The following PSD3 variants were observed in gnomAD, a reference collection of about 807,000 sequenced individuals.
PSD3 encodes the protein pleckstrin and Sec7 domain containing 3.
In PSD3, 49 loss-of-function variants were observed where a neutral mutation model predicts 105.5. The observed-to-expected ratio is 0.46, with a 90% CI of 0.37 to 0.59. The LOEUF is 0.59. PSD3 is among the 20% of genes least tolerant of loss of function. The pLI is 0.00. For missense variants in PSD3, 1,561 were observed against 1,263.8 expected, an observed-to-expected ratio of 1.24 and a Z score of -3.57; for synonymous variants, 557 against 457.8, an observed-to-expected ratio of 1.22 and a Z score of -2.77.
chr8:18,816,134 G>A (rs1042360894), intron 4 of PSD3, among the ~76,000 whole-genome samples: 1 of 152,130 alleles, frequency 6.6e-6, no homozygotes, highest in Non-Finnish European at 1.5e-5. Context: ...CCACTCTTTA[G>A]TACCCAATAT....
chr8:18,655,723 A>G (rs777835027), intron 9 of PSD3, 38 bp from the exon 10 acceptor site: 1 of 1,583,182 alleles, frequency 6.3e-7, no homozygotes, highest in Admixed American at 1.7e-5. Flanking sequence ...TATTCTTTCC[A>G]TTCTGTTCCA....
In PSD3 at chr8:18,693,069, C is replaced by T. The variant is rs147728109; in HGVS notation, c.2173-37384G>A. Among the ~76,000 whole-genome samples the T allele has an allele frequency of 3.3e-5, 5 of 152,286 alleles. No individual in the cohort carries two copies. The East Asian group carries it at 9.6e-4, about 29-fold the overall frequency. On this transcript the variant is annotated intron_variant, in intron 9 of 15. Coordinates refer to ENST00000327040, the MANE Select transcript of PSD3 (RefSeq NM_015310.4). ...TATGTGAAGGCCGGGCTACATAAAA[C>T]ATGGAGATGATGAACTTCTCAAATG... is the stretch of plus-strand genomic sequence containing the variant.
chr8:18,677,212 G>A (rs1800108596), intron 9 of PSD3, among the ~76,000 whole-genome samples: 1 of 152,154 alleles, frequency 6.6e-6, no homozygotes, highest in Non-Finnish European at 1.5e-5. Flanking sequence ...ATTAAGAGGT[G>A]GGCAGCAGGG....
rs201016537 is a variant in PSD3 at position 18,544,171 on chromosome 8, CAAAAAAAAAAAAAAAAA to C, written c.2929-8230_2929-8214del. Among the ~76,000 whole-genome samples, 32 of 106,720 alleles carry C rather than the reference CAAAAAAAAAAAAAAAAA, an allele frequency of 3.0e-4. No homozygotes were observed. The East Asian group carries it at 4.1e-3, about 14-fold the overall frequency. 70.0% of individuals were successfully genotyped at this position (106,720 alleles called of 152,430 possible). On this transcript the variant is annotated intron_variant, in intron 15 of 15. Coordinates refer to ENST00000327040, the MANE Select transcript of PSD3 (RefSeq NM_015310.4). Reference sequence around the variant, plus strand: ...TACAATGGAAAACAAAGAAACAAACCAAAAAAAAAAAAAAAAAAAAAAAAAAACCAAACAAAACAAGG... The same window carrying C: ...TACAATGGAAAACAAAGAAACAAACCAAAAAAAAAACCAAACAAAACAAGG...
At chr8:18,595,837 G>C (rs1311374316) in intron 12 of PSD3, among the ~76,000 whole-genome samples, 4 of 151,946 alleles carry the variant, frequency 2.6e-5, no homozygotes, top group Non-Finnish European at 2.9e-5. Context: ...TCTCTATAAT[G>C]TACAGAACTT....
chr8:18,576,889 C>T (rs886236190), intron 12 of PSD3, among the ~76,000 whole-genome samples: 5 of 146,228 alleles, frequency 3.4e-5, no homozygotes, highest in African/African-American at 1.3e-4. Context: ...TTTGTGTGTA[C>T]TTTTTTTTTT....
At chr8:19,061,640 T>A (rs575744962) in intron 1 of PSD3, among the ~76,000 whole-genome samples, 3 of 152,080 alleles carry the variant, frequency 2.0e-5, no homozygotes, top group South Asian at 4.2e-4. Context: ...ACCCTGTCTC[T>A]CTAAAAATAC....
chr8:18,574,118 G>C (rs1585277871), intron 13 of PSD3, among the ~76,000 whole-genome samples: 1 of 151,892 alleles, frequency 6.6e-6, no homozygotes, highest in Admixed American at 6.6e-5. Context: ...CATGAATCAG[G>C]ACAGATTATC....
At chr8:18,905,434 CT>C (rs1247629026) in intron 2 of PSD3, among the ~76,000 whole-genome samples, 1 of 152,192 alleles carries the variant, frequency 6.6e-6, no homozygotes, top group Admixed American at 6.5e-5. Flanking sequence ...AGCAATTCTC[CT>C]GTCTCAGCCA....
intron 1 of PSD3, among the ~76,000 whole-genome samples, chr8:18,980,678 C>G (rs1323523080): frequency 6.6e-6 from 1 of 152,086 alleles, no homozygotes; most frequent in African/African-American, 2.4e-5. Context: ...CACACACGCT[C>G]AAGTTTAGAT....
intron 8 of PSD3, among the ~76,000 whole-genome samples, chr8:18,768,267 CAGAG>C (rs200099109): frequency 2.0e-5 from 3 of 151,694 alleles, no homozygotes; most frequent in African/African-American, 7.3e-5. Context: ...GCCTGAGCGA[CAGAG>C]AGAGAGTCCA....
intron 15 of PSD3, among the ~76,000 whole-genome samples, chr8:18,550,506 T>C (rs527297759): frequency 1.4e-4 from 21 of 152,320 alleles, no homozygotes; most frequent in African/African-American, 5.1e-4. Flanking sequence ...GATAAACCCA[T>C]TCTAAGTTGA....
intron 1 of PSD3, among the ~76,000 whole-genome samples, chr8:18,938,580 G>A (rs1212193748): frequency 6.8e-6 from 1 of 147,066 alleles, no homozygotes; most frequent in African/African-American, 2.5e-5. Context: ...CCGCGATGGC[G>A]CTATTGCACT....
intron 4 of PSD3, among the ~76,000 whole-genome samples, chr8:18,824,167 G>T (rs1812986595): frequency 6.6e-6 from 1 of 152,148 alleles, no homozygotes; most frequent in African/African-American, 2.4e-5. Flanking sequence ...ACATGGCCGT[G>T]TCTCTAAGAA....
intron 8 of PSD3, among the ~76,000 whole-genome samples, chr8:18,778,750 T>C (rs981455076): frequency 6.6e-6 from 1 of 152,072 alleles, no homozygotes; most frequent in Non-Finnish European, 1.5e-5. Flanking sequence ...TTTTGTGACG[T>C]ATCATGTTTA....
At chr8:19,006,449 A>C (rs550312959) in intron 1 of PSD3, among the ~76,000 whole-genome samples, 4 of 152,098 alleles carry the variant, frequency 2.6e-5, no homozygotes, top group Non-Finnish European at 4.4e-5. Flanking sequence ...TTGTATTGTT[A>C]TGCCTTGATA....
At chr8:18,557,264 G>C (rs914364367) in intron 14 of PSD3, among the ~76,000 whole-genome samples, 3 of 152,236 alleles carry the variant, frequency 2.0e-5, no homozygotes, top group Admixed American at 6.5e-5. Flanking sequence ...AAATGAAACA[G>C]ATCTGACTAA....
Position 18,605,303 on chromosome 8 carries a change from T to C in PSD3, c.2411-4869A>G, listed in dbSNP as rs539510817. ...CCTGGATGTTAGACATGGAGCCAAA[T>C]AACAATTTTTTGGATCTTTAAAATT... On this transcript the variant is annotated intron_variant, in intron 11 of 15. Transcript: ENST00000327040. Among the ~76,000 whole-genome samples, 41 of 151,348 alleles carry C rather than the reference T, an allele frequency of 2.7e-4. 2 individuals carry two copies. The highest frequency in any genetic ancestry group is 9.6e-4 in the African/African-American group (40 of 41,512).
chr8:18,692,399 T>C (rs1244535743), intron 9 of PSD3, among the ~76,000 whole-genome samples: 1 of 152,156 alleles, frequency 6.6e-6, no homozygotes, highest in Non-Finnish European at 1.5e-5. Context: ...GGGCCTGGCC[T>C]TAAGGAAGTC....
Sources: allele counts gnomAD v4.1 joint callset (sites outside exome capture counted in the v4.1 genomes callset), GRCh38; gene constraint gnomAD v4.1.1; transcripts MANE v1.5; gene names NCBI Gene and HGNC (gene_info 2026-07-23, HGNC 2026-07-21).